RANBP2: variants seen among roughly 807,000 people sequenced by gnomAD.
RANBP2 encodes the protein RAN binding protein 2, also known as E3 SUMO-protein ligase RanBP2.
In RANBP2, 57 loss-of-function variants were observed where a neutral mutation model predicts 303.6. The ratio of observed to expected loss-of-function variants is 0.19; its 90% CI spans 0.15 to 0.23. The LOEUF is 0.23. RANBP2 is among the 10% of genes least tolerant of loss of function. RANBP2 has a pLI of 1.00. For synonymous variants in RANBP2, 1,167 were observed against 1,301.5 expected, an observed-to-expected ratio of 0.90 and a Z score of 2.23; for missense variants, 3,138 against 3,780.8, an observed-to-expected ratio of 0.83 and a Z score of 4.46.
chr2:109,670,029 C>A, the RANBP2 span, among the ~76,000 whole-genome samples: 2 of 152,174 alleles, frequency 1.3e-5, no homozygotes, highest in African/African-American at 4.8e-5. Flanking sequence ...CAGCCAGCAA[C>A]TGCAGTGAGG....
In RANBP2 at chr2:108,758,508, A is replaced by G. The variant is rs13426055; in HGVS notation, c.2562A>G (p.Gly854=). 4.4e-3 allele frequency: 7,164 copies of G among 1,610,956 alleles called. 302 individuals carry two copies. In the African/African-American group the frequency reaches 0.085, roughly 19 times the overall value. ...ENYGPDSVPD[G]YQGSQTFHGA... ...ATGGACCAGACTCAGTGCCTGATGG[A>G]TATCAGGGGTCACAGACATTTCATG... The change falls in exon 18 of 29, where the codon GGA becomes GGG. Residue 854 remains glycine (G), a synonymous_variant. Transcript: ENST00000283195.
the RANBP2 span, among the ~76,000 whole-genome samples, chr2:109,145,323 G>A: frequency 4.6e-5 from 7 of 152,254 alleles, no homozygotes; most frequent in South Asian, 2.1e-4. Flanking sequence ...CCTTTAGTCC[G>A]GACTTCATGC....
At chr2:108,753,726 G>A (rs1336477333) in intron 14 of RANBP2, 99 bp from the exon 15 acceptor site, 22 of 1,599,986 alleles carry the variant, frequency 1.4e-5, no homozygotes, top group Admixed American at 6.9e-5. Context: ...CTCAGCTCCC[G>A]AGTAGCTGGG....
chr2:108,834,335 C>T, the RANBP2 span, among the ~76,000 whole-genome samples: 70 of 151,992 alleles, frequency 4.6e-4, no homozygotes, highest in African/African-American at 1.7e-3. Context: ...GCCTCAGCCT[C>T]CCAAGTAGCT....
chr2:109,088,098 A>G, the RANBP2 span, among the ~76,000 whole-genome samples: 2 of 152,074 alleles, frequency 1.3e-5, no homozygotes, highest in Non-Finnish European at 2.9e-5. Context: ...CCTCGTCTCT[A>G]CTAAAAATAC....
At chr2:109,304,577 G>A in the RANBP2 span, among the ~76,000 whole-genome samples, 1 of 152,166 alleles carries the variant, frequency 6.6e-6, no homozygotes, top group Non-Finnish European at 1.5e-5. Context: ...TGCACCCGTC[G>A]GCACTGCCCT....
At chr2:109,690,237 C>T in the RANBP2 span, among the ~76,000 whole-genome samples, 4 of 152,200 alleles carry the variant, frequency 2.6e-5, no homozygotes, top group African/African-American at 4.8e-5. Context: ...TTTAGGGAGA[C>T]GGGAGACATC....
the RANBP2 span, among the ~76,000 whole-genome samples, chr2:108,871,850 TTG>T: frequency 2.0e-5 from 3 of 152,224 alleles, no homozygotes; most frequent in African/African-American, 7.2e-5. Flanking sequence ...ACCTTTTGTT[TTG>T]TGACTACCAT....
Position 108,764,837 on chromosome 2 carries a change from C to G in RANBP2, c.4298C>G (p.Ser1433Cys), listed in dbSNP as rs771500253. 40 of 1,614,042 alleles carry G rather than the reference C, an allele frequency of 2.5e-5. No individual in the cohort carries two copies. The East Asian group carries it at 3.8e-4, about 15-fold the overall frequency. ...ICLVRNEPTV[S>C]RCIACQNTKS... ...TTAGTAAGAAATGAACCTACTGTATCTAGGTGCATTGCGTGTCAGAATACA... is the reference window on the plus strand; with the variant it reads ...TTAGTAAGAAATGAACCTACTGTATGTAGGTGCATTGCGTGTCAGAATACA... The change falls in exon 20 of 29, where the codon TCT (serine) becomes TGT (cysteine). Residue 1433 changes from serine to cysteine, a missense_variant. Physicochemically the swap from Ser to Cys is moderately radical, Grantham distance 112. Around this residue, in one of 20 missense-constraint regions of RANBP2, gnomAD observed 388 missense variants for 328.5 expected, o/e 1.18. Coordinates refer to ENST00000283195, the MANE Select transcript of RANBP2 (RefSeq NM_006267.5).
chr2:109,438,083 T>C, the RANBP2 span, among the ~76,000 whole-genome samples: 96,233 of 152,062 alleles, frequency 0.63, 30,776 homozygotes, highest in Non-Finnish European at 0.65. Flanking sequence ...TTTCTTAGAC[T>C]AACGAACACG....
the RANBP2 span, chr2:109,615,880 C>G: frequency 6.2e-7 from 1 of 1,613,538 alleles, no homozygotes; most frequent in South Asian, 1.1e-5. Context: ...TCGGGCAGCT[C>G]TAGTGGACGT....
the RANBP2 span, among the ~76,000 whole-genome samples, chr2:109,171,492 A>G: frequency 2.0e-5 from 3 of 152,298 alleles, no homozygotes; most frequent in African/African-American, 7.2e-5. Flanking sequence ...CCGACCCCTC[A>G]CTGCTGCTGG....
At chr2:108,932,261 G>T in the RANBP2 span, among the ~76,000 whole-genome samples, 3 of 152,058 alleles carry the variant, frequency 2.0e-5, no homozygotes, top group South Asian at 6.2e-4. Flanking sequence ...GAGCGCGGTG[G>T]CTCACACCTG....
the RANBP2 span, among the ~76,000 whole-genome samples, chr2:109,548,067 C>G: frequency 6.6e-6 from 1 of 151,894 alleles, no homozygotes; most frequent in Non-Finnish European, 1.5e-5. Flanking sequence ...TGTAGAAGAA[C>G]TAGTAATGAG....
intron 6 of RANBP2, among the ~76,000 whole-genome samples, chr2:108,737,658 C>T (rs1695714337): frequency 6.7e-6 from 1 of 150,340 alleles, no homozygotes; most frequent in Non-Finnish European, 1.5e-5. Context: ...AAGTGATTCT[C>T]CTGTCTCTGC....
In RANBP2 at chr2:108,764,948, G is replaced by A. The variant is rs762124756; in HGVS notation, c.4409G>A (p.Ser1470Asn). The change falls in exon 20 of 29, where the codon AGT becomes AAT. Residue 1470 changes from serine (S) to asparagine (N), a missense_variant. Physicochemically the swap from Ser to Asn is conservative, Grantham distance 46. Around this residue, in one of 20 missense-constraint regions of RANBP2, gnomAD observed 388 missense variants for 328.5 expected, o/e 1.18. Transcript: ENST00000283195. ...GQGDLPKPIN[S>N]DFRSVFSTKE... Reference sequence around the variant, plus strand: ...GGAGATCTTCCTAAACCTATTAACAGTGATTTCAGATCTGTTTTTTCTACA... The same window carrying A: ...GGAGATCTTCCTAAACCTATTAACAATGATTTCAGATCTGTTTTTTCTACA... 6.2e-7 allele frequency: 1 copy of A among 1,614,046 alleles called. No individual in the cohort carries two copies. Among genetic ancestry groups the A allele is most frequent in the South Asian group, 1.1e-5 (1 of 91,084 alleles).
the RANBP2 span, among the ~76,000 whole-genome samples, chr2:109,640,034 A>G: frequency 6.6e-6 from 1 of 151,940 alleles, no homozygotes; most frequent in African/African-American, 2.4e-5. Flanking sequence ...AAGGTCAGAA[A>G]AGAACCCAAG....
chr2:109,477,564 C>T, the RANBP2 span, among the ~76,000 whole-genome samples: 1 of 152,282 alleles, frequency 6.6e-6, no homozygotes, highest in Middle Eastern at 3.4e-3. Flanking sequence ...ACTGGGGTCA[C>T]AGCGCCTGTT....
chr2:108,723,329 G>C (rs1016058763), intron 1 of RANBP2, among the ~76,000 whole-genome samples: 2 of 150,808 alleles, frequency 1.3e-5, no homozygotes, highest in Non-Finnish European at 3.0e-5. Context: ...GTCCAGGCTG[G>C]AGTGCAGTGG....
Sources: gnomAD v4.1 joint callset for allele counts (sites outside exome capture counted in the v4.1 genomes callset) on GRCh38, gnomAD v4.1.1 for gene constraint, gnomAD v4.1.1 regional missense constraint, MANE v1.5 for transcripts, NCBI Gene and HGNC (gene_info 2026-07-23, HGNC 2026-07-21) for gene names.